KLRG1: variants seen among roughly 807,000 people sequenced by gnomAD.
KLRG1 encodes the protein killer cell lectin-like receptor subfamily G member 1.
Under a neutral mutation model 21.8 loss-of-function variants are expected in KLRG1, and 16 were observed. That is an observed-to-expected ratio of 0.73 (90% CI 0.50 to 1.11). KLRG1 has a LOEUF of 1.11. KLRG1 is among the 50% of genes most tolerant of loss of function. KLRG1 has a pLI of 0.00. For synonymous variants in KLRG1, 69 were observed against 75.9 expected (o/e 0.91, Z 0.47); for missense variants, 173 against 218.3 (o/e 0.79, Z 1.31).
chr12:9,133,493 T>G, the KLRG1 span, among the ~76,000 whole-genome samples: 1 of 152,210 alleles, frequency 6.6e-6, no homozygotes, highest in Non-Finnish European at 1.5e-5. Context: ...ATAAATTAAA[T>G]AAGGTAATTC....
chr12:9,027,780 A>G, the KLRG1 span: 3 of 1,366,042 alleles, frequency 2.2e-6, no homozygotes, highest in African/African-American at 4.3e-5. Flanking sequence ...CATTGCCACC[A>G]TATCCACCAC....
the KLRG1 span, chr12:9,192,130 T>C: frequency 7.3e-7 from 1 of 1,378,956 alleles, no homozygotes; most frequent in East Asian, 2.3e-5. Flanking sequence ...TTATGAACTG[T>C]CACCGAGGGA....
chr12:9,070,991 T>C, the KLRG1 span, among the ~76,000 whole-genome samples: 2 of 152,188 alleles, frequency 1.3e-5, no homozygotes, highest in Admixed American at 1.3e-4. Context: ...CGACTAATTT[T>C]GTATTTTTAG....
the KLRG1 span, among the ~76,000 whole-genome samples, chr12:9,127,546 A>G: frequency 1.3e-5 from 2 of 152,140 alleles, no homozygotes; most frequent in Admixed American, 6.5e-5. Context: ...TTCGCCAGTC[A>G]TTGGCCACTT....
the KLRG1 span, among the ~76,000 whole-genome samples, chr12:9,103,559 A>G: frequency 6.6e-6 from 1 of 152,140 alleles, no homozygotes; most frequent in Non-Finnish European, 1.5e-5. Context: ...AATAAGAGGA[A>G]TTCCCCATTT....
the KLRG1 span, chr12:9,202,612 T>C: frequency 2.5e-6 from 4 of 1,614,030 alleles, no homozygotes; most frequent in African/African-American, 1.3e-5. Flanking sequence ...TTCCTCTTCC[T>C]GAAATCTTGC....
At chr12:9,160,358 A>C in the KLRG1 span, 1 of 1,614,088 alleles carries the variant, frequency 6.2e-7, no homozygotes, top group Non-Finnish European at 8.5e-7. Flanking sequence ...CTCCTGCGTC[A>C]GCTGCTGGGT....
At chr12:9,202,441 C>T in the KLRG1 span, 2 of 1,612,458 alleles carry the variant, frequency 1.2e-6, no homozygotes, top group Non-Finnish European at 1.7e-6. Flanking sequence ...AGACAGGAGG[C>T]TACGGGGCTA....
chr12:9,019,424 A>C, the KLRG1 span, among the ~76,000 whole-genome samples: 2 of 152,242 alleles, frequency 1.3e-5, no homozygotes, highest in African/African-American at 4.8e-5. Context: ...CTAAGTATAT[A>C]CACAAAAGAA....
At chr12:9,053,019 T>A in the KLRG1 span, among the ~76,000 whole-genome samples, 1 of 152,244 alleles carries the variant, frequency 6.6e-6, no homozygotes, top group Non-Finnish European at 1.5e-5. Flanking sequence ...CGTTTTGTTA[T>A]AATGTTGATG....
At chr12:9,021,403 C>CTT in the KLRG1 span, among the ~76,000 whole-genome samples, 78 of 137,774 alleles carry the variant, frequency 5.7e-4, no homozygotes, top group African/African-American at 7.1e-4. Context: ...CTTTTTTACT[C>CTT]TTTTTTTTTT....
the KLRG1 span, chr12:9,076,666 G>T: frequency 1.7e-6 from 2 of 1,174,894 alleles, no homozygotes; most frequent in South Asian, 1.3e-5. Flanking sequence ...GAGGAGACAG[G>T]GATCACAGGA....
chr12:9,106,732 C>A, the KLRG1 span: 1 of 441,604 alleles, frequency 2.3e-6, no homozygotes, highest in Non-Finnish European at 3.8e-6. Context: ...GACGAGGACA[C>A]AATAAATATT....
chr12:9,036,851 C>T, the KLRG1 span: 3 of 428,396 alleles, frequency 7.0e-6, no homozygotes, highest in Non-Finnish European at 1.4e-5. Context: ...TGACCACTGA[C>T]AGTGCCAAGT....
intron 1 of KLRG1, among the ~76,000 whole-genome samples, chr12:8,969,443 G>C (rs1946532551): frequency 6.6e-6 from 1 of 152,070 alleles, no homozygotes; most frequent in Non-Finnish European, 1.5e-5. Context: ...GGGCATTCCA[G>C]CTCTGAGGTT....
the KLRG1 span, among the ~76,000 whole-genome samples, chr12:9,019,051 T>C: frequency 6.6e-6 from 1 of 152,026 alleles, no homozygotes; most frequent in Admixed American, 6.6e-5. Flanking sequence ...CCAGAATATA[T>C]AAGGAGCTCA....
At chr12:9,100,289 G>C in the KLRG1 span, among the ~76,000 whole-genome samples, 1 of 152,056 alleles carries the variant, frequency 6.6e-6, no homozygotes, top group Non-Finnish European at 1.5e-5. Context: ...CCTTGAAATC[G>C]TACATTTTCT....
chr12:9,152,936 T>C, the KLRG1 span: 2 of 1,614,194 alleles, frequency 1.2e-6, no homozygotes, highest in South Asian at 2.2e-5. Context: ...GGAAGAATAT[T>C]GTATTTCATG....
the KLRG1 span, among the ~76,000 whole-genome samples, chr12:9,184,601 T>C: frequency 6.6e-6 from 1 of 152,218 alleles, no homozygotes; most frequent in Non-Finnish European, 1.5e-5. Flanking sequence ...TGCTGGTACA[T>C]GTGAATGAGG....
Sources: allele counts gnomAD v4.1 joint callset (sites outside exome capture counted in the v4.1 genomes callset), GRCh38; gene constraint gnomAD v4.1.1; transcripts MANE v1.5; gene names NCBI Gene and HGNC (gene_info 2026-07-23, HGNC 2026-07-21).